The following SLC10A1 variants were observed in gnomAD, a reference collection of about 807,000 sequenced individuals.
The protein encoded by SLC10A1 is solute carrier family 10 member 1.
In SLC10A1, 36 loss-of-function variants were observed where a neutral mutation model predicts 20.5. The observed-to-expected ratio is 1.75, with a 90% CI of 1.34 to 2.32. The LOEUF (loss-of-function observed/expected upper bound fraction) is 2.32. Among genes scored for constraint, SLC10A1 ranks in the 30% most tolerant of loss-of-function variants. SLC10A1 has a pLI of 0.00. For missense variants in SLC10A1, 545 were observed against 439.1 expected (o/e 1.24, Z -2.16); for synonymous variants, 188 against 163.6 (o/e 1.15, Z -1.14).
chr14:69,779,178 C>T lies in SLC10A1; in HGVS notation c.746+4G>A, dbSNP rs756790486. ...CCTTTCTTAAAAAAAAAAAAAATAC[C>T]TACCGTCCATTGAGGCAGAAGAGAG... is the stretch of plus-strand genomic sequence containing the variant. On this transcript the variant is annotated splice_donor_region_variant and intron_variant, in intron 3 of 4. Transcript: ENST00000216540. 2.5e-6 allele frequency: 4 copies of T among 1,574,772 alleles called. No homozygotes were observed. Among genetic ancestry groups the T allele is most frequent in the African/African-American group, 2.8e-5 (2 of 72,410 alleles).
rs10559679 is a variant in SLC10A1, at chr14:69,778,561, CAG to C, written c.747-34_747-33del. 14,437 of 1,556,242 alleles carry C rather than the reference CAG, an allele frequency of 9.3e-3. 1,136 individuals are homozygous for C. The African/African-American group carries it at 0.17, about 18-fold the overall frequency. On this transcript the variant is annotated intron_variant, in intron 3 of 4. Transcript: ENST00000216540. ...CGGTGAAGAAAACCCCACATACACT[CAG>C]AGGGAACTGGAGGGAGCAACTTTGT...
intron 2 of SLC10A1, among the ~76,000 whole-genome samples, chr14:69,784,475 C>T (rs1362066169): frequency 4.6e-5 from 7 of 151,714 alleles, no homozygotes; most frequent in Admixed American, 6.6e-5. Flanking sequence ...AGAGCTCTGG[C>T]GGTGGCATGG....
chr14:69,781,387 A>G (rs1353302596), intron 2 of SLC10A1, among the ~76,000 whole-genome samples: 1 of 152,224 alleles, frequency 6.6e-6, no homozygotes, highest in Admixed American at 6.5e-5. Context: ...CAGCCAATCC[A>G]TTGGCTTACA....
chr14:69,787,714 C>CA (rs1347311818), intron 1 of SLC10A1, among the ~76,000 whole-genome samples: 2 of 152,162 alleles, frequency 1.3e-5, no homozygotes, highest in Admixed American at 1.3e-4. Flanking sequence ...CTTAAATACA[C>CA]ACTTGAGCTT....
rs779533450 is a variant in SLC10A1 at position 69,786,248 on chromosome 14, T to A, written c.416A>T (p.Tyr139Phe). The stretch of plus-strand genomic sequence containing the variant: ...ATCATAGATCCCCCTGGAGTAGATG[T>A]ACAGGAGGAGAGGCATCATGCCAAG... The part of the protein sequence containing the change: ...CALGMMPLLL[Y>F]IYSRGIYDGD... Residue 139 changes from tyrosine (Y) to phenylalanine (F), a missense_variant, in exon 2 of 5, where the codon TAC becomes TTC. By Grantham distance (22) the Tyr-to-Phe change is conservative (BLOSUM62 3). Coordinates refer to ENST00000216540, the MANE Select transcript of SLC10A1 (RefSeq NM_003049.4). 6.2e-7 allele frequency: 1 copy of A among 1,613,960 alleles called. No homozygotes were observed. The highest frequency in any genetic ancestry group is 1.7e-5 in the Admixed American group (1 of 60,006).
At chr14:69,788,227 A>T (rs755138208) in intron 1 of SLC10A1, among the ~76,000 whole-genome samples, 48 of 152,100 alleles carry the variant, frequency 3.2e-4, no homozygotes, top group Non-Finnish European at 6.9e-4. Context: ...CAATAAAAGG[A>T]TCATGGGATG....
intron 1 of SLC10A1, among the ~76,000 whole-genome samples, chr14:69,791,896 T>C (rs536739631): frequency 3.9e-5 from 6 of 152,202 alleles, no homozygotes; most frequent in Non-Finnish European, 8.8e-5. Flanking sequence ...AAATCAAACA[T>C]TTAAAACTTT....
intron 2 of SLC10A1, among the ~76,000 whole-genome samples, chr14:69,781,220 C>G (rs1883583725): frequency 6.6e-6 from 1 of 152,224 alleles, no homozygotes; most frequent in Non-Finnish European, 1.5e-5. Context: ...TCCTGTCACT[C>G]TCACTGCTGC....
rs202023002 is a variant in SLC10A1 at position 69,778,390 on chromosome 14, C to G, written c.886G>C (p.Glu296Gln). Residue 296 changes from glutamate (E) to glutamine (Q), a missense_variant, in exon 4 of 5, where the codon GAA becomes CAA. Physicochemically the swap from Glu to Gln is conservative, Grantham distance 29 (BLOSUM62 2). Transcript: ENST00000216540. ...AATATGGCAATGAGGAGAAGCCCTT[C>G]TCCAAGCTGGAAAATCATGTAGAGG... ...PLLYMIFQLG[E>Q]GLLLIAIFWC... 6.2e-7 allele frequency: 1 copy of G among 1,613,846 alleles called. No homozygotes were observed. The highest frequency in any genetic ancestry group is 8.5e-7 in the Non-Finnish European group (1 of 1,179,846).
intron 2 of SLC10A1, among the ~76,000 whole-genome samples, chr14:69,780,101 CT>C (rs1411000065): frequency 6.6e-6 from 1 of 152,172 alleles, no homozygotes; most frequent in Non-Finnish European, 1.5e-5. Context: ...GACAAACCTA[CT>C]TTCTTGAGTG....
chr14:69,776,565 T>C (rs1469871749), intron 4 of SLC10A1, among the ~76,000 whole-genome samples, 177 bp from the exon 5 acceptor site: 1 of 152,168 alleles, frequency 6.6e-6, no homozygotes, highest in East Asian at 1.9e-4. Context: ...TTCCCCTCAG[T>C]CTCCCTAATG....
intron 1 of SLC10A1, among the ~76,000 whole-genome samples, chr14:69,796,087 G>T (rs1366392223): frequency 6.6e-6 from 1 of 152,172 alleles, no homozygotes; most frequent in Non-Finnish European, 1.5e-5. Context: ...TGTGTGCTGC[G>T]TCTCCAGGAG....
chr14:69,779,206 G>A lies in SLC10A1; in HGVS notation c.722C>T (p.Ser241Phe), dbSNP rs150579813. The change falls in exon 3 of 5, where the codon TCT becomes TTT. Residue 241 changes from serine to phenylalanine, a missense_variant. By Grantham distance (155) the Ser-to-Phe change is radical. Coordinates refer to ENST00000216540, the MANE Select transcript of SLC10A1 (RefSeq NM_003049.4). ...CCGTCCATTGAGGCAGAAGAGAGCA[G>A]AGAGAACATAACCCAGCAGAAAGCC... is the stretch of plus-strand genomic sequence containing the variant. ...FIGFLLGYVL[S>F]ALFCLNGRCR... 1.9e-6 allele frequency: 3 copies of A among 1,611,898 alleles called. No individual in the cohort carries two copies. Among genetic ancestry groups the A allele is most frequent in the Non-Finnish European group, 2.5e-6 (3 of 1,179,264 alleles).
At position 69,782,808 on chromosome 14, in the gene SLC10A1, GAAAA is replaced by G. The variant is rs35397817; in HGVS notation, c.567+3285_567+3288del. ...GGGCGACAGAGTGAGACTCCGTCTC[GAAAA>G]AAAAAAAAAAAAAGGGTCTGAGATT... On this transcript the variant is annotated intron_variant, in intron 2 of 4. Coordinates refer to ENST00000216540, the MANE Select transcript of SLC10A1 (RefSeq NM_003049.4). Among the ~76,000 whole-genome samples the G allele has an allele frequency of 6.8e-5, 7 of 102,720 alleles. No individual in the cohort carries two copies. In the East Asian group the frequency reaches 9.3e-4, roughly 14 times the overall value. The allele number at this position is 102,720 out of a possible 152,430, so 67.4% of individuals were successfully genotyped here. A position where few individuals can be genotyped will look rare whatever the true frequency, so the allele number is the denominator to read the frequency against.
At chr14:69,789,225 C>G (rs910735971) in intron 1 of SLC10A1, among the ~76,000 whole-genome samples, 1 of 152,138 alleles carries the variant, frequency 6.6e-6, no homozygotes, top group African/African-American at 2.4e-5. Context: ...CCCAAGGGAA[C>G]AGAAAGCATG....
At chr14:69,788,505 TATCTGA>T (rs946983845) in intron 1 of SLC10A1, among the ~76,000 whole-genome samples, 40 of 152,084 alleles carry the variant, frequency 2.6e-4, no homozygotes, top group Middle Eastern at 3.4e-3. Context: ...GCAAGTCATA[TATCTGA>T]TAAGGGTCTA....
At chr14:69,786,361 A>G (rs1382183302) in intron 1 of SLC10A1, 54 bp from the exon 2 acceptor site, 17 of 1,495,638 alleles carry the variant, frequency 1.1e-5, no homozygotes, top group African/African-American at 5.5e-5. Context: ...AATACAGACT[A>G]TTTTGTTGAG....
chr14:69,779,318 C>G lies in SLC10A1; in HGVS notation c.610G>C (p.Val204Leu), dbSNP rs1566634877. Residue 204 changes from valine (V) to leucine (L), a missense_variant, in exon 3 of 5, where the codon GTT (valine) becomes CTT (leucine). By Grantham distance (32) the Val-to-Leu change is conservative. Transcript: ENST00000216540. ...TTCCCCACATTGATGGCAGAGAGAA[C>G]TGTGACGGCCACACTGCACAAGAGA... is the stretch of plus-strand genomic sequence containing the variant. ...IILLCSVAVTVLSAINVGKSI... is the reference protein window; with the variant it reads ...IILLCSVAVTLLSAINVGKSI... The G allele has an allele frequency of 6.2e-7, 1 of 1,614,016 alleles. No homozygotes were observed. Among genetic ancestry groups the G allele is most frequent in the Admixed American group, 1.7e-5 (1 of 60,002 alleles).
At chr14:69,795,723 T>C (rs974814369) in intron 1 of SLC10A1, among the ~76,000 whole-genome samples, 1 of 152,114 alleles carries the variant, frequency 6.6e-6, no homozygotes, top group Non-Finnish European at 1.5e-5. Context: ...ATTCTCACTT[T>C]TTTCATTTAA....
Sources: allele counts gnomAD v4.1 joint callset (sites outside exome capture counted in the v4.1 genomes callset), GRCh38; gene constraint gnomAD v4.1.1; transcripts MANE v1.5; gene names NCBI Gene and HGNC (gene_info 2026-07-23, HGNC 2026-07-21).